The following DPP6 variants were observed in gnomAD, a reference collection of about 807,000 sequenced individuals.
DPP6 encodes A-type potassium channel modulatory protein DPP6.
DPP6 carries 69 observed loss-of-function variants against 122.6 expected under a neutral mutation model. The ratio of observed to expected loss-of-function variants is 0.56; its 90% CI spans 0.46 to 0.69. DPP6 has a LOEUF of 0.69. Among genes scored for constraint, DPP6 ranks in the 30% least tolerant of loss-of-function variants. The pLI, the probability that DPP6 is intolerant of heterozygous loss-of-function variation, is 0.00. For missense variants in DPP6, 928 were observed against 1,116.9 expected, an observed-to-expected ratio of 0.83 and a Z score of 2.41; for synonymous variants, 418 against 433.1, an observed-to-expected ratio of 0.97 and a Z score of 0.43.
intron 2 of DPP6, among the ~76,000 whole-genome samples, chr7:154,451,341 A>G (rs1820349628): frequency 7.0e-6 from 1 of 143,536 alleles, no homozygotes; most frequent in African/African-American, 2.6e-5. Context: ...GCCTGGCAAC[A>G]GAGCAAGAGC....
intron 4 of DPP6, among the ~76,000 whole-genome samples, chr7:154,559,695 T>G (rs1830285298): frequency 6.6e-6 from 1 of 151,972 alleles, no homozygotes; most frequent in Non-Finnish European, 1.5e-5. Flanking sequence ...TGAGATCATT[T>G]AAAGTGCTGG....
chr7:153,806,007 A>T, the DPP6 span, among the ~76,000 whole-genome samples: 14 of 152,080 alleles, frequency 9.2e-5, no homozygotes, highest in Middle Eastern at 3.4e-3. Context: ...ATAATAAAAA[A>T]AAATACATAT....
intron 1 of DPP6, among the ~76,000 whole-genome samples, chr7:153,962,224 TAG>T (rs1795389533): frequency 6.6e-6 from 1 of 152,054 alleles, no homozygotes; most frequent in Non-Finnish European, 1.5e-5. Flanking sequence ...CAGGAGATAA[TAG>T]TTTTGAAGAC....
intron 1 of DPP6, among the ~76,000 whole-genome samples, chr7:154,010,022 C>G (rs562031549): frequency 6.6e-6 from 1 of 152,266 alleles, no homozygotes; most frequent in East Asian, 1.9e-4. Context: ...GCTATAATGC[C>G]CAGCTAGGAG....
chr7:154,557,379 G>A (rs73163099), intron 4 of DPP6, among the ~76,000 whole-genome samples: 30,885 of 152,080 alleles, frequency 0.2, 3,354 homozygotes, highest in Non-Finnish European at 0.23. Context: ...AAGTGTAAAA[G>A]TTGCATTCTT....
At chr7:154,681,580 G>A (rs1393926837) in intron 7 of DPP6, among the ~76,000 whole-genome samples, 5 of 152,152 alleles carry the variant, frequency 3.3e-5, no homozygotes, top group African/African-American at 4.8e-5. Flanking sequence ...AGGCTTTTCC[G>A]GTCGCCTCGG....
chr7:153,796,609 A>T, the DPP6 span, among the ~76,000 whole-genome samples: 19 of 152,154 alleles, frequency 1.2e-4, no homozygotes, highest in Non-Finnish European at 2.5e-4. Context: ...TTATGCTACA[A>T]ATATAATTTG....
At chr7:154,586,208 C>A (rs1832435197) in intron 5 of DPP6, among the ~76,000 whole-genome samples, 1 of 152,022 alleles carries the variant, frequency 6.6e-6, no homozygotes, top group Admixed American at 6.6e-5. Context: ...CTTGTTGAGA[C>A]CGGGCACAGT....
rs36088986 is a variant in DPP6, at chr7:154,290,647, C to CAAA, written c.244-155553_244-155551dup. Among the ~76,000 whole-genome samples the CAAA allele has an allele frequency of 4.5e-4, 60 of 133,986 alleles. 1 individual carries two copies. Among genetic ancestry groups the CAAA allele is most frequent in the Middle Eastern group, 3.9e-3 (1 of 256 alleles). The allele number at this position is 133,986 out of a possible 152,430, so 87.9% of individuals were successfully genotyped here. On this transcript the variant is annotated intron_variant, in intron 1 of 25. Transcript: ENST00000377770. ...TGTGACAAGAGCAAAACTCTGTCTCCAAAAAAAAAAAAAAAATTCCCTCTT... is the reference window on the plus strand; with the variant it reads ...TGTGACAAGAGCAAAACTCTGTCTCCAAAAAAAAAAAAAAAAAAATTCCCTCTT...
the DPP6 span, among the ~76,000 whole-genome samples, chr7:153,789,789 A>G: frequency 3.7e-4 from 56 of 152,292 alleles, no homozygotes; most frequent in Non-Finnish European, 5.4e-4. Context: ...TTGTTATGAC[A>G]TGGAATGAGG....
At chr7:154,117,310 A>T (rs1354907522) in intron 1 of DPP6, among the ~76,000 whole-genome samples, 2 of 152,250 alleles carry the variant, frequency 1.3e-5, no homozygotes, top group Non-Finnish European at 2.9e-5. Flanking sequence ...GTCTGAGCAA[A>T]TATGATTTTA....
At chr7:154,215,733 A>G (rs898590769) in intron 1 of DPP6, among the ~76,000 whole-genome samples, 2 of 152,066 alleles carry the variant, frequency 1.3e-5, no homozygotes, top group Non-Finnish European at 2.9e-5. Context: ...CAGAATCAAC[A>G]TGATGAGGAG....
At chr7:154,626,907 T>C (rs1176846306) in intron 5 of DPP6, among the ~76,000 whole-genome samples, 2 of 152,122 alleles carry the variant, frequency 1.3e-5, no homozygotes, top group Admixed American at 6.5e-5. Context: ...CATGGAGCTA[T>C]TTCCTAATAT....
intron 2 of DPP6, among the ~76,000 whole-genome samples, chr7:154,460,430 T>C (rs1421998122): frequency 6.6e-6 from 1 of 152,228 alleles, no homozygotes; most frequent in Non-Finnish European, 1.5e-5. Flanking sequence ...TCAAGTCCTC[T>C]ATAGATGTGT....
intron 1 of DPP6, among the ~76,000 whole-genome samples, chr7:154,191,245 C>T (rs999419986): frequency 9.2e-5 from 14 of 152,258 alleles, no homozygotes; most frequent in East Asian, 1.9e-4. Flanking sequence ...GATTTATAAA[C>T]GATTACATGG....
Position 154,188,312 on chromosome 7 carries a change from TC to T in DPP6, c.243+135256del, listed in dbSNP as rs1022991566. 3.9e-5 allele frequency among the ~76,000 whole-genome samples: 6 copies of T among 151,952 alleles called. No homozygotes were observed. The East Asian group carries it at 9.7e-4, about 24-fold the overall frequency. ...GATGAAACAAGTGAAAAAAATACTT[TC>T]CCCCCCAAATATATTTGTCTTGGCT... On this transcript the variant is annotated intron_variant, in intron 1 of 25. Transcript: ENST00000377770.
intron 3 of DPP6, among the ~76,000 whole-genome samples, chr7:154,485,840 C>T (rs553055385): frequency 2.6e-5 from 4 of 151,978 alleles, no homozygotes; most frequent in Non-Finnish European, 5.9e-5. Flanking sequence ...ATGTGCACAA[C>T]GTGCAGGTTT....
At chr7:154,699,872 A>G (rs1302546084) in intron 7 of DPP6, among the ~76,000 whole-genome samples, 1 of 152,022 alleles carries the variant, frequency 6.6e-6, no homozygotes, top group East Asian at 1.9e-4. Context: ...TTCCTTTCCT[A>G]GGTGTTCTGA....
At chr7:154,471,566 C>T (rs569236135) in intron 2 of DPP6, among the ~76,000 whole-genome samples, 14 of 152,192 alleles carry the variant, frequency 9.2e-5, no homozygotes, top group Middle Eastern at 3.4e-3. Context: ...AAATGACCAC[C>T]AAGACTTAGT....
Sources: gnomAD v4.1 joint callset for allele counts (sites outside exome capture counted in the v4.1 genomes callset) on GRCh38, gnomAD v4.1.1 for gene constraint, MANE v1.5 for transcripts, NCBI Gene and HGNC (gene_info 2026-07-23, HGNC 2026-07-21) for gene names.